The following XRCC5 variants were observed in gnomAD, a reference collection of about 807,000 sequenced individuals.
The protein encoded by XRCC5 is X-ray repair cross complementing 5.
Under a neutral mutation model 95.7 loss-of-function variants are expected in XRCC5, and 12 were observed. That is an observed-to-expected ratio of 0.13 (90% confidence interval 0.08 to 0.20). The LOEUF (loss-of-function observed/expected upper bound fraction) is 0.20. Among genes scored for constraint, XRCC5 ranks in the 10% least tolerant of loss-of-function variants. The pLI is 1.00. For synonymous variants in XRCC5, 281 were observed against 290.3 expected (o/e 0.97, Z 0.33); for missense variants, 595 against 873.9 (o/e 0.68, Z 4.02).
At chr2:216,150,922 C>A (rs1269181982) in intron 14 of XRCC5, among the ~76,000 whole-genome samples, 1 of 152,058 alleles carries the variant, frequency 6.6e-6, no homozygotes, top group Non-Finnish European at 1.5e-5. Flanking sequence ...AAACGTAATG[C>A]TTTGCGCTAT....
chr2:216,204,199 G>A (rs531337369), intron 19 of XRCC5, 123 bp from the exon 20 acceptor site: 35 of 1,109,388 alleles, frequency 3.2e-5, no homozygotes, highest in Middle Eastern at 2.0e-4. Context: ...CTTTTGGGCC[G>A]TTGGCAGTGA....
chr2:216,184,164 G>T (rs1689447665), intron 16 of XRCC5, among the ~76,000 whole-genome samples: 1 of 151,970 alleles, frequency 6.6e-6, no homozygotes, highest in Admixed American at 6.6e-5. Flanking sequence ...AATGCCATGG[G>T]AAGTGCTCAG....
chr2:216,149,027 A>G (rs1688694101), intron 14 of XRCC5, among the ~76,000 whole-genome samples: 1 of 152,178 alleles, frequency 6.6e-6, no homozygotes, highest in Admixed American at 6.5e-5. Flanking sequence ...AGCTGGAATA[A>G]TCTATACATT....
In XRCC5 at chr2:216,109,412, A is replaced by C; in HGVS notation, c.-25A>C. The C allele has an allele frequency of 6.2e-7, 1 of 1,613,868 alleles. No homozygotes were observed. Among genetic ancestry groups the C allele is most frequent in the Non-Finnish European group, 8.5e-7 (1 of 1,179,888 alleles). On this transcript the variant is annotated 5_prime_UTR_variant, in exon 1 of 21. Transcript: ENST00000392132. ...GGCAGGTTCCCGCCCGGAAGAAGCG[A>C]CCAAAGCGCCTGAGGACCGGCAACA...
intron 16 of XRCC5, among the ~76,000 whole-genome samples, chr2:216,174,163 T>C (rs1385464574): frequency 2.0e-5 from 3 of 152,202 alleles, no homozygotes; most frequent in Admixed American, 6.5e-5. Context: ...TTGTTTTGTT[T>C]TGTTTTTTGA....
At chr2:216,183,384 G>T (rs1689428438) in intron 16 of XRCC5, among the ~76,000 whole-genome samples, 1 of 152,124 alleles carries the variant, frequency 6.6e-6, no homozygotes, top group African/African-American at 2.4e-5. Flanking sequence ...ACTTTTATTA[G>T]TGCAATTTGT....
chr2:216,205,041 CT>C (rs1689916874), intron 20 of XRCC5, 146 bp from the exon 21 acceptor site: 4 of 911,914 alleles, frequency 4.4e-6, no homozygotes, highest in Non-Finnish European at 7.1e-6. Flanking sequence ...GAATGTTTAA[CT>C]CCTAAAATAA....
At chr2:216,175,871 C>G (rs1436745260) in intron 16 of XRCC5, 3 of 427,512 alleles carry the variant, frequency 7.0e-6, no homozygotes, top group Non-Finnish European at 4.5e-6. Flanking sequence ...AAAATGTTCT[C>G]TTAACCCATC....
chr2:216,158,142 A>T (rs1383480517), intron 14 of XRCC5, among the ~76,000 whole-genome samples: 1 of 152,200 alleles, frequency 6.6e-6, no homozygotes, highest in Non-Finnish European at 1.5e-5. Flanking sequence ...ATGTGATTCA[A>T]CTTCATATTC....
At chr2:216,195,345 T>TTTTC (rs1689695700) in intron 19 of XRCC5, among the ~76,000 whole-genome samples, 16 of 125,258 alleles carry the variant, frequency 1.3e-4, no homozygotes, top group South Asian at 1.0e-3. Flanking sequence ...GTTTTTCTTT[T>TTTTC]TTTTCTTTTC....
chr2:216,137,039 A>C, intron 10 of XRCC5, 49 bp from the exon 11 acceptor site: 1 of 1,580,392 alleles, frequency 6.3e-7, no homozygotes, highest in Non-Finnish European at 8.6e-7. Context: ...TCTGTTGTGA[A>C]AACTCTCACA....
intron 19 of XRCC5, among the ~76,000 whole-genome samples, chr2:216,199,754 C>T (rs936630158): frequency 6.7e-6 from 1 of 149,266 alleles, no homozygotes; most frequent in Admixed American, 6.7e-5. Context: ...CCTTCATTCT[C>T]CTTTAGTATT....
At chr2:216,203,269 C>G (rs1292594807) in intron 19 of XRCC5, among the ~76,000 whole-genome samples, 1 of 152,180 alleles carries the variant, frequency 6.6e-6, no homozygotes. Flanking sequence ...AACTGATTCT[C>G]TATTTACTGT....
rs12470053 is a variant in XRCC5, at chr2:216,190,448, A to G, written c.1944+114A>G. ...GGCCGTGGAAATTATCATTCTCAAT[A>G]TGAATAGCAGTGTATGCCAGTGGAG... On this transcript the variant is annotated intron_variant, in intron 17 of 20. Transcript: ENST00000392132. The G allele has an allele frequency of 0.66, 567,379 of 854,146 alleles. 194,950 individuals are homozygous for G. The highest frequency in any genetic ancestry group is 0.94 in the East Asian group (35,572 of 37,884). The allele number at this position is 854,146 out of a possible 1,614,324, so 52.9% of individuals were successfully genotyped here.
intron 1 of XRCC5, chr2:216,111,345 G>C (rs372941095): frequency 2.3e-6 from 1 of 444,068 alleles, no homozygotes. Flanking sequence ...AACACAGTGA[G>C]ACCCCAACTC....
At chr2:216,172,130 A>G (rs1276021797) in intron 16 of XRCC5, among the ~76,000 whole-genome samples, 1 of 152,204 alleles carries the variant, frequency 6.6e-6, no homozygotes, top group Non-Finnish European at 1.5e-5. Context: ...GGCTGGCGCC[A>G]TCTTGGGCCT....
chr2:216,130,847 TA>T (rs780893342), intron 8 of XRCC5, 27 bp from the exon 9 acceptor site: 3 of 1,538,492 alleles, frequency 1.9e-6, no homozygotes, highest in South Asian at 2.3e-5. Flanking sequence ...CCCATATGCT[TA>T]ACAGATGCTC....
At chr2:216,189,636 T>C (rs1689576397) in intron 16 of XRCC5, among the ~76,000 whole-genome samples, 1 of 152,202 alleles carries the variant, frequency 6.6e-6, no homozygotes, top group Admixed American at 6.5e-5. Context: ...GGGAGAATAT[T>C]CAGGTCCAGC....
chr2:216,127,487 A>G (rs144306255), intron 7 of XRCC5, 49 bp from the exon 8 acceptor site: 73 of 1,550,430 alleles, frequency 4.7e-5, no homozygotes, highest in African/African-American at 3.3e-4. Flanking sequence ...TCTTCTATCA[A>G]TTGGAATCCT....
Sources: allele counts gnomAD v4.1 joint callset (sites outside exome capture counted in the v4.1 genomes callset), GRCh38; gene constraint gnomAD v4.1.1; transcripts MANE v1.5; gene names NCBI Gene and HGNC (gene_info 2026-07-23, HGNC 2026-07-21).